The following PRR16 variants were observed in gnomAD, a reference collection of about 807,000 sequenced individuals.
PRR16 encodes the protein proline rich 16, also known as protein Largen.
PRR16 carries 6 observed loss-of-function variants against 18.2 expected under a neutral mutation model. The observed-to-expected ratio is 0.33, with a 90% CI of 0.18 to 0.65. The LOEUF (loss-of-function observed/expected upper bound fraction) is 0.65. Ranked by LOEUF, PRR16 falls within the 30% of genes least tolerant of loss-of-function variation. PRR16 has a pLI of 0.74. For synonymous variants in PRR16, 151 were observed against 147.8 expected (o/e 1.02, Z -0.16); for missense variants, 412 against 376.6 (o/e 1.09, Z -0.78).
At chr5:120,771,616 C>G in the PRR16 span, among the ~76,000 whole-genome samples, 3 of 151,902 alleles carry the variant, frequency 2.0e-5, no homozygotes, top group Non-Finnish European at 4.4e-5. Context: ...CATAAATGAA[C>G]TTTTATGCAA....
chr5:120,470,477 C>T (rs1014655562), intron 1 of PRR16, among the ~76,000 whole-genome samples: 2 of 152,042 alleles, frequency 1.3e-5, no homozygotes, highest in African/African-American at 4.8e-5. Flanking sequence ...TGAAGTTATA[C>T]AAAGTTATAA....
At chr5:120,750,459 G>T in the PRR16 span, among the ~76,000 whole-genome samples, 1 of 151,742 alleles carries the variant, frequency 6.6e-6, no homozygotes, top group Non-Finnish European at 1.5e-5. Flanking sequence ...AGGAGTTCGA[G>T]ACCAGCCTGA....
At chr5:120,672,255 TG>T (rs1406569816) in intron 1 of PRR16, among the ~76,000 whole-genome samples, 39 of 151,126 alleles carry the variant, frequency 2.6e-4, no homozygotes, top group African/African-American at 8.5e-4. Flanking sequence ...TGTGTGTGTG[TG>T]TGTGTGTGTG....
At chr5:120,500,273 C>T (rs964485006) in intron 1 of PRR16, among the ~76,000 whole-genome samples, 2 of 152,146 alleles carry the variant, frequency 1.3e-5, no homozygotes, top group African/African-American at 4.8e-5. Flanking sequence ...GTCTGGAATA[C>T]ATTAGGCAAA....
At chr5:120,504,342 C>G (rs761695408) in intron 1 of PRR16, among the ~76,000 whole-genome samples, 4 of 152,186 alleles carry the variant, frequency 2.6e-5, no homozygotes, top group African/African-American at 4.8e-5. Flanking sequence ...TGAAGTCTTA[C>G]ATTCAGATTC....
At chr5:120,790,128 C>T in the PRR16 span, 1 of 152,140 alleles carries the variant, frequency 6.6e-6, no homozygotes, top group South Asian at 2.1e-4. Context: ...CTGATAGAGT[C>T]TGCATAAAAT....
chr5:120,669,854 A>G (rs532042435), intron 1 of PRR16, among the ~76,000 whole-genome samples: 33 of 152,220 alleles, frequency 2.2e-4, no homozygotes, highest in African/African-American at 7.9e-4. Flanking sequence ...ATGAAGTACA[A>G]TAGAAATATA....
the PRR16 span, among the ~76,000 whole-genome samples, chr5:120,767,344 T>C: frequency 6.6e-6 from 1 of 151,868 alleles, no homozygotes; most frequent in East Asian, 1.9e-4. Context: ...CATGCCCAAA[T>C]CAAAGGCAAA....
At chr5:120,635,136 C>T (rs1333876158) in intron 1 of PRR16, among the ~76,000 whole-genome samples, 3 of 151,966 alleles carry the variant, frequency 2.0e-5, no homozygotes, top group Non-Finnish European at 2.9e-5. Flanking sequence ...AATTTGCCAA[C>T]AAATAAAAGT....
rs139340426 is a variant in PRR16, at chr5:120,572,790, A to G, written c.159+108145A>G. Among the ~76,000 whole-genome samples the G allele has an allele frequency of 1.6e-3, 245 of 152,308 alleles. 1 individual carries two copies. The highest frequency in any genetic ancestry group is 2.8e-3 in the Non-Finnish European group (191 of 68,018). ...AGTAGAAGAACCAAGGGAAAACTAT[A>G]TATAGGAAGCCTAGTGAAAATATTT... On this transcript the variant is annotated intron_variant, in intron 1 of 1. Coordinates refer to ENST00000407149, the MANE Select transcript of PRR16 (RefSeq NM_001300783.2).
chr5:120,520,756 G>A (rs1235835773), intron 1 of PRR16, among the ~76,000 whole-genome samples: 1 of 152,160 alleles, frequency 6.6e-6, no homozygotes, highest in African/African-American at 2.4e-5. Flanking sequence ...TAAAATGTGT[G>A]AGTTAAAATG....
chr5:120,675,996 C>T (rs1238037291), intron 1 of PRR16, among the ~76,000 whole-genome samples: 3 of 152,122 alleles, frequency 2.0e-5, no homozygotes, highest in Non-Finnish European at 4.4e-5. Flanking sequence ...CAAGAATCCA[C>T]CTTACTCTAT....
chr5:120,699,227 T>G, the PRR16 span, among the ~76,000 whole-genome samples: 1 of 152,074 alleles, frequency 6.6e-6, no homozygotes, highest in African/African-American at 2.4e-5. Context: ...TGAGGATAGA[T>G]TTCCACGATG....
At chr5:120,663,206 CTTT>C (rs71702842) in intron 1 of PRR16, among the ~76,000 whole-genome samples, 1 of 151,340 alleles carries the variant, frequency 6.6e-6, no homozygotes. Context: ...TAAAACCCCC[CTTT>C]TTTTTTCCCT....
intron 1 of PRR16, among the ~76,000 whole-genome samples, chr5:120,605,572 G>T (rs1038622176): frequency 2.0e-5 from 3 of 152,154 alleles, no homozygotes; most frequent in Admixed American, 6.5e-5. Context: ...GTGTGGTCAC[G>T]TGGAGGTTAG....
intron 1 of PRR16, among the ~76,000 whole-genome samples, chr5:120,476,736 A>G (rs1367662405): frequency 1.3e-5 from 2 of 152,150 alleles, no homozygotes; most frequent in African/African-American, 4.8e-5. Flanking sequence ...AAATGAAATA[A>G]GTGTTAAAAC....
At chr5:120,548,342 T>C (rs545536260) in intron 1 of PRR16, among the ~76,000 whole-genome samples, 1 of 152,212 alleles carries the variant, frequency 6.6e-6, no homozygotes, top group South Asian at 2.1e-4. Context: ...TTTTACATTA[T>C]TGCTACACTT....
the PRR16 span, chr5:120,781,385 GA>G: frequency 6.6e-6 from 1 of 152,162 alleles, no homozygotes; most frequent in African/African-American, 2.4e-5. Context: ...TACTTTTGAT[GA>G]AAATGGGAAT....
the PRR16 span, among the ~76,000 whole-genome samples, chr5:120,777,333 C>A: frequency 1.3e-5 from 2 of 151,976 alleles, no homozygotes; most frequent in African/African-American, 4.8e-5. Context: ...TATTACTTAA[C>A]TTTTTCTAAA....
Sources: gnomAD v4.1 joint callset for allele counts (sites outside exome capture counted in the v4.1 genomes callset) on GRCh38, gnomAD v4.1.1 for gene constraint, MANE v1.5 for transcripts, NCBI Gene and HGNC (gene_info 2026-07-23, HGNC 2026-07-21) for gene names.